CDC14C: variants seen among roughly 807,000 people sequenced by gnomAD.
The protein encoded by CDC14C is cell division cycle 14C.
A neutral mutation model predicts 26.9 loss-of-function variants in CDC14C; 19 were observed. That is an observed-to-expected ratio of 0.71 (90% confidence interval 0.49 to 1.04). The LOEUF is 1.04. Among genes scored for constraint, CDC14C ranks in the 50% least tolerant of loss-of-function variants. The pLI is 0.00. For synonymous variants in CDC14C, 185 were observed against 180.1 expected, an observed-to-expected ratio of 1.03 and a Z score of -0.22; for missense variants, 423 against 520.0, an observed-to-expected ratio of 0.81 and a Z score of 1.81.
In CDC14C at chr7:48,926,350, G is replaced by GAC. The variant is rs566899414; in HGVS notation, c.*344_*345dup. ...CCCCAGTGGTGCTAGAGGAATTAAA[G>GAC]ACACACACACAGAAATACAGAGGTG... On this transcript the variant is annotated 3_prime_UTR_variant, in exon 1 of 1. Transcript: ENST00000650262. Among the ~76,000 whole-genome samples, 571 of 150,020 alleles carry GAC rather than the reference G, an allele frequency of 3.8e-3. 2 individuals are homozygous for GAC. The highest frequency in any genetic ancestry group is 7.1e-3 in the Non-Finnish European group (479 of 67,600).
At position 48,926,416 on chromosome 7, in the gene CDC14C, G is replaced by C. The variant is rs1586199732; in HGVS notation, c.*400G>C. On this transcript the variant is annotated 3_prime_UTR_variant, in exon 1 of 1. Transcript: ENST00000650262. ...GGGGTCTCACAGCCTTCAGAGCTGA[G>C]AGCCCCGAACAGAGATTTACCCACA... Among the ~76,000 whole-genome samples the C allele has an allele frequency of 1.3e-5, 2 of 151,186 alleles. No homozygotes were observed. The highest frequency in any genetic ancestry group is 2.4e-5 in the African/African-American group (1 of 41,048).
At position 48,927,362 on chromosome 7, in the gene CDC14C, C is replaced by A. The variant is rs937325205; in HGVS notation, c.*1346C>A. On this transcript the variant is annotated 3_prime_UTR_variant, in exon 1 of 1. Coordinates refer to ENST00000650262, the MANE Select transcript of CDC14C (RefSeq NM_152627.3). ...GAGCTGGAAGATGTTGCAAGTCATT[C>A]CTTTTTCTGTCCTTTAGGGACTGAA... 3.9e-5 allele frequency among the ~76,000 whole-genome samples: 6 copies of A among 152,166 alleles called. No individual in the cohort carries two copies. The highest frequency in any genetic ancestry group is 1.3e-4 in the Admixed American group (2 of 15,274).
rs1164411348 is a variant in CDC14C, at chr7:48,925,959, T to C, written c.1287T>C (p.Cys429=). 2.7e-6 allele frequency: 2 copies of C among 753,850 alleles called. No individual in the cohort carries two copies. The highest frequency in any genetic ancestry group is 3.7e-5 in the Admixed American group (2 of 54,536). The allele number at this position is 753,850 out of a possible 1,614,324, so 46.7% of individuals were successfully genotyped here. A position where few individuals can be genotyped will look rare whatever the true frequency, so the allele number is the denominator to read the frequency against. The change falls in exon 1 of 1, where the codon TGT becomes TGC. Residue 429 remains cysteine, a synonymous_variant. Transcript: ENST00000650262. ...SPLAVLTFTL[C]SVVIWWIVCD... is the part of the protein sequence containing the mutation. The stretch of plus-strand genomic sequence containing the variant: ...TGGCTGTGCTGACCTTTACACTGTG[T>C]AGTGTTGTCATCTGGTGGATTGTTT...
rs910983989 is a variant in CDC14C, at chr7:48,926,566, G to C, written c.*550G>C. 2.0e-5 allele frequency among the ~76,000 whole-genome samples: 3 copies of C among 152,232 alleles called. No homozygotes were observed. Among genetic ancestry groups the C allele is most frequent in the Admixed American group, 2.0e-4 (3 of 15,292 alleles). On this transcript the variant is annotated 3_prime_UTR_variant, in exon 1 of 1. Transcript: ENST00000650262. ...GGCATAGGTTGGGCTAGTTAACTGC[G>C]GCAGGAGCACGTCCTTAAGGCACAG...
At position 48,926,292 on chromosome 7, in the gene CDC14C, T is replaced by G. The variant is rs1798887271; in HGVS notation, c.*276T>G. On this transcript the variant is annotated 3_prime_UTR_variant, in exon 1 of 1. Transcript: ENST00000650262. ...ACTTTTGAGTTTGGGTGCAAGCAAA[T>G]GTACCAAGACCAGCTCAGTCAGGGA... Among the ~76,000 whole-genome samples, 1 of 140,400 alleles carries G rather than the reference T, an allele frequency of 7.1e-6. No homozygotes were observed. The highest frequency in any genetic ancestry group is 1.6e-5 in the Non-Finnish European group (1 of 64,448). The allele number at this position is 140,400 out of a possible 152,430, so 92.1% of individuals were successfully genotyped here.
rs973421082 is a variant in CDC14C at position 48,926,231 on chromosome 7, T to A, written c.*215T>A. Reference sequence around the variant, plus strand: ...AGTTGCTTTCCACCTAAGAAGCTAATCAATGGGGAAAATGTCCACGGGGTT... The same window carrying A: ...AGTTGCTTTCCACCTAAGAAGCTAAACAATGGGGAAAATGTCCACGGGGTT... On this transcript the variant is annotated 3_prime_UTR_variant, in exon 1 of 1. Transcript: ENST00000650262. 9.0e-6 allele frequency among the ~76,000 whole-genome samples: 1 copy of A among 110,768 alleles called. No individual in the cohort carries two copies. Among genetic ancestry groups the A allele is most frequent in the Non-Finnish European group, 2.0e-5 (1 of 50,366 alleles). The allele number at this position is 110,768 out of a possible 152,430, so 72.7% of individuals were successfully genotyped here.
chr7:48,927,334 T>TC lies in CDC14C; in HGVS notation c.*1319dup, dbSNP rs1272310476. 1.3e-5 allele frequency among the ~76,000 whole-genome samples: 2 copies of TC among 152,218 alleles called. No individual in the cohort carries two copies. The highest frequency in any genetic ancestry group is 2.9e-5 in the Non-Finnish European group (2 of 68,038). Reference sequence around the variant, plus strand: ...GAAGACTCAGGAGGAGAAACTGACTTCAGAGCTGGAAGATGTTGCAAGTCA... The same window carrying TC: ...GAAGACTCAGGAGGAGAAACTGACTTCCAGAGCTGGAAGATGTTGCAAGTCA... On this transcript the variant is annotated 3_prime_UTR_variant, in exon 1 of 1. Transcript: ENST00000650262.
chr7:48,925,490 G>C lies in CDC14C; in HGVS notation c.818G>C (p.Cys273Ser), dbSNP rs1267551415. ...DAIVKRFLDICENAEGAIAVH... is the reference protein window; with the variant it reads ...DAIVKRFLDISENAEGAIAVH... ...ATTGTCAAAAGATTTCTGGATATCT[G>C]TGAAAATGCTGAGGGTGCCATTGCA... is the stretch of plus-strand genomic sequence containing the variant. Residue 273 changes from cysteine to serine, a missense_variant, in exon 1 of 1, where the codon TGT (cysteine) becomes TCT (serine). Transcript: ENST00000650262. 4 of 1,603,634 alleles carry C rather than the reference G, an allele frequency of 2.5e-6. No homozygotes were observed. The highest frequency in any genetic ancestry group is 3.4e-6 in the Non-Finnish European group (4 of 1,171,022).
In CDC14C at chr7:48,925,915, ATTC is replaced by A; in HGVS notation, c.1248_1250del (p.Leu417del). 2.5e-6 allele frequency: 2 copies of A among 785,354 alleles called. No homozygotes were observed. Among genetic ancestry groups the A allele is most frequent in the East Asian group, 2.4e-5 (1 of 40,934 alleles). The allele number at this position is 785,354 out of a possible 1,614,324, so 48.6% of individuals were successfully genotyped here. The stretch of plus-strand genomic sequence containing the variant: ...GCGAAGACAATCAAAAACAAACGAT[ATTC>A]TTCTCCCATCTCCCCTGGCTGTGCT... On this transcript the variant is annotated inframe_deletion, in exon 1 of 1. Transcript: ENST00000650262.
Position 48,924,954 on chromosome 7 carries a change from T to C in CDC14C, c.282T>C (p.Ser94=), listed in dbSNP as rs1196892276. The change falls in exon 1 of 1, where the codon TCT becomes TCC. Residue 94 remains serine, a synonymous_variant. Transcript: ENST00000650262. ...LRKKIVHFTG[S]DQRKQANAAF... is the part of the protein sequence containing the mutation. ...AGAAAATTGTTCATTTTACTGGCTC[T>C]GATCAGAGAAAACAAGCAAATGCTG... The C allele has an allele frequency of 2.0e-6, 3 of 1,480,746 alleles. No homozygotes were observed. The highest frequency in any genetic ancestry group is 1.4e-5 in the African/African-American group (1 of 72,288). The allele number at this position is 1,480,746 out of a possible 1,614,324, so 91.7% of individuals were successfully genotyped here. A position where few individuals can be genotyped will look rare whatever the true frequency, so the allele number is the denominator to read the frequency against.
chr7:48,925,149 A>G lies in CDC14C; in HGVS notation c.477A>G (p.Ala159=), dbSNP rs1798863977. ...LLDCFHAVKK[A]MQYGFLNFNS... The stretch of plus-strand genomic sequence containing the variant: ...ACTGTTTTCATGCAGTAAAGAAGGC[A>G]ATGCAGTATGGCTTCCTTAATTTCA... The change falls in exon 1 of 1, where the codon GCA becomes GCG. Residue 159 remains alanine, a synonymous_variant. Transcript: ENST00000650262. 2 of 1,533,518 alleles carry G rather than the reference A, an allele frequency of 1.3e-6. No homozygotes were observed. The highest frequency in any genetic ancestry group is 3.3e-5 in the Admixed American group (2 of 59,922). 95.0% of individuals were successfully genotyped at this position (1,533,518 alleles called of 1,614,324 possible). A position where few individuals can be genotyped will look rare whatever the true frequency, so the allele number is the denominator to read the frequency against.
Position 48,926,747 on chromosome 7 carries a change from G to T in CDC14C, c.*731G>T, listed in dbSNP as rs1197770995. ...TATGAACATGTTACAGTGCTGCAGA[G>T]ATTTTATTTATGGCCAGTTTTGGGG... On this transcript the variant is annotated 3_prime_UTR_variant, in exon 1 of 1. Transcript: ENST00000650262. Among the ~76,000 whole-genome samples, 1 of 151,690 alleles carries T rather than the reference G, an allele frequency of 6.6e-6. No homozygotes were observed. Among genetic ancestry groups the T allele is most frequent in the East Asian group, 1.9e-4 (1 of 5,174 alleles).
In CDC14C at chr7:48,926,041, C is replaced by T. The variant is rs753103701; in HGVS notation, c.*25C>T. The T allele has an allele frequency of 2.3e-5, 17 of 737,634 alleles. No individual in the cohort carries two copies. The South Asian group carries it at 2.4e-4, about 11-fold the overall frequency. The allele number at this position is 737,634 out of a possible 1,614,324, so 45.7% of individuals were successfully genotyped here. A position where few individuals can be genotyped will look rare whatever the true frequency, so the allele number is the denominator to read the frequency against. ...ACTCAAAGATTTCAGAACATAGTAG[C>T]CATCAGGACCCCCTGACAGATAGCT... On this transcript the variant is annotated 3_prime_UTR_variant, in exon 1 of 1. Transcript: ENST00000650262.
rs1798868624 is a variant in CDC14C at position 48,925,396 on chromosome 7, C to T, written c.724C>T (p.Arg242Cys). The T allele has an allele frequency of 2.0e-5, 32 of 1,611,456 alleles. No homozygotes were observed. Among genetic ancestry groups the T allele is most frequent in the Non-Finnish European group, 2.4e-5 (28 of 1,177,728 alleles). The change falls in exon 1 of 1, where the codon CGC becomes TGC. Residue 242 changes from arginine to cysteine, a missense_variant. By Grantham distance (180) the Arg-to-Cys change is radical. Coordinates refer to ENST00000650262, the MANE Select transcript of CDC14C (RefSeq NM_152627.3). ...GAATAAAAGGATGTATGATGCCAAA[C>T]GCTTTACGGATGCTGGCTTCGATCA... ...RLNKRMYDAK[R>C]FTDAGFDHHD...
rs1798908455 is a variant in CDC14C, at chr7:48,927,357, T to C, written c.*1341T>C. On this transcript the variant is annotated 3_prime_UTR_variant, in exon 1 of 1. Coordinates refer to ENST00000650262, the MANE Select transcript of CDC14C (RefSeq NM_152627.3). ...CTTCAGAGCTGGAAGATGTTGCAAG[T>C]CATTCCTTTTTCTGTCCTTTAGGGA... 6.6e-6 allele frequency among the ~76,000 whole-genome samples: 1 copy of C among 152,244 alleles called. No homozygotes were observed. Among genetic ancestry groups the C allele is most frequent in the Admixed American group, 6.5e-5 (1 of 15,284 alleles).
chr7:48,927,270 T>C lies in CDC14C; in HGVS notation c.*1254T>C, dbSNP rs1798906869. 2.0e-5 allele frequency among the ~76,000 whole-genome samples: 3 copies of C among 152,200 alleles called. No individual in the cohort carries two copies. In the South Asian group the frequency reaches 6.2e-4, roughly 31 times the overall value. On this transcript the variant is annotated 3_prime_UTR_variant, in exon 1 of 1. Transcript: ENST00000650262. ...GTTGTAATACCAGGTGATACCTTGG[T>C]AACCTAAAACTTGCAAGAGAATATT... is the stretch of plus-strand genomic sequence containing the variant.
In CDC14C at chr7:48,925,034, C is replaced by G; in HGVS notation, c.362C>G (p.Ala121Gly). ...TACTTGGGGAGAACCCCAGAAGCAG[C>G]ATATAGAATATTAATCTTTGGAGAT... ...VIYLGRTPEA[A>G]YRILIFGDTP... is the part of the protein sequence containing the mutation. The change falls in exon 1 of 1, where the codon GCA (alanine) becomes GGA (glycine). Residue 121 changes from alanine (A) to glycine (G), a missense_variant. Coordinates refer to ENST00000650262, the MANE Select transcript of CDC14C (RefSeq NM_152627.3). 3 of 1,418,018 alleles carry G rather than the reference C, an allele frequency of 2.1e-6. No homozygotes were observed. Among genetic ancestry groups the G allele is most frequent in the Non-Finnish European group, 3.0e-6 (3 of 1,001,272 alleles). 87.8% of individuals were successfully genotyped at this position (1,418,018 alleles called of 1,614,324 possible). A position where few individuals can be genotyped will look rare whatever the true frequency, so the allele number is the denominator to read the frequency against.
Position 48,924,997 on chromosome 7 carries a change from T to C in CDC14C, c.325T>C (p.Tyr109His). 1 of 1,376,198 alleles carries C rather than the reference T, an allele frequency of 7.3e-7. No homozygotes were observed. The highest frequency in any genetic ancestry group is 1.0e-6 in the Non-Finnish European group (1 of 962,972). The allele number at this position is 1,376,198 out of a possible 1,614,324, so 85.2% of individuals were successfully genotyped here. The part of the protein sequence containing the change: ...QANAAFLVGC[Y>H]MVIYLGRTPE... ...AAATGCTGCCTTCCTTGTTGGATGC[T>C]ACATGGTTATATACTTGGGGAGAAC... Residue 109 changes from tyrosine (Y) to histidine (H), a missense_variant, in exon 1 of 1, where the codon TAC becomes CAC. Around this residue, in one of 3 missense-constraint regions of CDC14C, gnomAD observed 310 missense variants for 356.8 expected, o/e 0.87. Coordinates refer to ENST00000650262, the MANE Select transcript of CDC14C (RefSeq NM_152627.3).
Position 48,924,595 on chromosome 7 carries a change from A to T in CDC14C, c.-78A>T. ...CGCGGCGGCCTCCAGGAAGCGGAAA[A>T]GCAAGGGGCGGTCGAGCTGGGCCGC... is the stretch of plus-strand genomic sequence containing the variant. On this transcript the variant is annotated 5_prime_UTR_variant, in exon 1 of 1. The change creates a new upstream start codon in the 5' untranslated region. Transcript: ENST00000650262. 1 of 838,738 alleles carries T rather than the reference A, an allele frequency of 1.2e-6. No individual in the cohort carries two copies. The highest frequency in any genetic ancestry group is 1.6e-5 in the South Asian group (1 of 62,172). The allele number at this position is 838,738 out of a possible 1,614,324, so 52.0% of individuals were successfully genotyped here. A position where few individuals can be genotyped will look rare whatever the true frequency, so the allele number is the denominator to read the frequency against.
Sources: allele counts gnomAD v4.1 joint callset (sites outside exome capture counted in the v4.1 genomes callset), GRCh38; gene constraint gnomAD v4.1.1; regional missense constraint gnomAD v4.1.1; transcripts MANE v1.5; gene names NCBI Gene and HGNC (gene_info 2026-07-23, HGNC 2026-07-21).